The following PDE8B variants were observed in gnomAD, a reference collection of about 807,000 sequenced individuals.
PDE8B encodes the protein phosphodiesterase 8B.
PDE8B carries 26 observed loss-of-function variants against 101.3 expected under a neutral mutation model. That is an observed-to-expected ratio of 0.26 (90% CI 0.19 to 0.36). The LOEUF (loss-of-function observed/expected upper bound fraction) is 0.36, where lower values mean the gene tolerates loss of function less well. Ranked by LOEUF, PDE8B falls within the 10% of genes least tolerant of loss-of-function variation. PDE8B has a pLI of 1.00. For missense variants in PDE8B, 810 were observed against 1,163.1 expected (o/e 0.70, Z 4.42); for synonymous variants, 424 against 429.3 (o/e 0.99, Z 0.15).
intron 10 of PDE8B, among the ~76,000 whole-genome samples, chr5:77,367,881 G>C (rs1221001760): frequency 6.6e-6 from 1 of 152,128 alleles, no homozygotes; most frequent in Admixed American, 6.5e-5. Flanking sequence ...CACAGACCTG[G>C]GTGAGTCATC....
intron 1 of PDE8B, among the ~76,000 whole-genome samples, chr5:77,235,558 C>T (rs9293711): frequency 4.5e-4 from 69 of 152,164 alleles, no homozygotes; most frequent in Non-Finnish European, 6.0e-4. Flanking sequence ...GACCTTGAAT[C>T]AGGGAATACA....
the PDE8B span, among the ~76,000 whole-genome samples, chr5:77,096,138 C>T: frequency 2.6e-5 from 4 of 152,094 alleles, no homozygotes; most frequent in East Asian, 1.9e-4. Context: ...TACAGGCGCA[C>T]GCTACCACAC....
the PDE8B span, among the ~76,000 whole-genome samples, chr5:77,177,197 A>G: frequency 2.0e-5 from 3 of 151,972 alleles, no homozygotes; most frequent in Non-Finnish European, 2.9e-5. Flanking sequence ...GAAGTGGAGG[A>G]AAAAAAACCA....
intron 10 of PDE8B, among the ~76,000 whole-genome samples, chr5:77,398,010 T>G (rs572646954): frequency 6.6e-6 from 1 of 152,272 alleles, no homozygotes; most frequent in Non-Finnish European, 1.5e-5. Context: ...CCCTTGGGTT[T>G]CATGAGGAAA....
Position 77,300,989 on chromosome 5 carries a change from TA to T in PDE8B, c.340-11002del, listed in dbSNP as rs568358721. Among the ~76,000 whole-genome samples the T allele has an allele frequency of 4.0e-3, 614 of 152,348 alleles. 2 individuals carry two copies. The highest frequency in any genetic ancestry group is 6.9e-3 in the Non-Finnish European group (469 of 68,036). ...GATTCATTTCAGTGAGATTGGTTTT[TA>T]AATGGGAATTAGTGCCCGACAAGGA... On this transcript the variant is annotated intron_variant, in intron 1 of 21. Transcript: ENST00000264917.
At chr5:77,326,107 G>A (rs1776008467) in intron 3 of PDE8B, among the ~76,000 whole-genome samples, 1 of 152,120 alleles carries the variant, frequency 6.6e-6, no homozygotes, top group African/African-American at 2.4e-5. Context: ...AATGAACATC[G>A]GAAATGTGTG....
intron 10 of PDE8B, among the ~76,000 whole-genome samples, chr5:77,354,535 T>G (rs777852969): frequency 6.6e-6 from 1 of 152,176 alleles, no homozygotes; most frequent in Non-Finnish European, 1.5e-5. Context: ...GAGTTCTTCA[T>G]AAGAGCTGAC....
At chr5:77,095,356 C>G in the PDE8B span, among the ~76,000 whole-genome samples, 2 of 152,162 alleles carry the variant, frequency 1.3e-5, no homozygotes, top group Non-Finnish European at 2.9e-5. Flanking sequence ...CTCTTGTTAG[C>G]CATTGTTCCG....
intron 10 of PDE8B, among the ~76,000 whole-genome samples, chr5:77,367,445 T>C (rs1028558907): frequency 1.3e-5 from 2 of 152,138 alleles, no homozygotes; most frequent in Non-Finnish European, 2.9e-5. Flanking sequence ...AAGCATACTT[T>C]CCAGCTAGTC....
chr5:77,420,940 A>G (rs1796516509), intron 19 of PDE8B, among the ~76,000 whole-genome samples: 1 of 152,238 alleles, frequency 6.6e-6, no homozygotes, highest in African/African-American at 2.4e-5. Flanking sequence ...TCCAGTCTTA[A>G]ACCCCCCAAA....
the PDE8B span, among the ~76,000 whole-genome samples, chr5:77,199,274 G>A: frequency 6.6e-6 from 1 of 152,092 alleles, no homozygotes; most frequent in Admixed American, 6.6e-5. Context: ...AGTATGTAAG[G>A]GATTTGAGTT....
At chr5:77,178,344 T>C in the PDE8B span, among the ~76,000 whole-genome samples, 2 of 152,238 alleles carry the variant, frequency 1.3e-5, no homozygotes, top group African/African-American at 4.8e-5. Flanking sequence ...TCCTTTAATC[T>C]GTTGGGTTGT....
intron 1 of PDE8B, among the ~76,000 whole-genome samples, chr5:77,289,365 G>C (rs1286102993): frequency 1.3e-5 from 2 of 152,134 alleles, no homozygotes; most frequent in African/African-American, 4.8e-5. Flanking sequence ...TATATTTATA[G>C]GTTCTTACCT....
At chr5:77,338,220 T>C (rs1778548673) in intron 6 of PDE8B, among the ~76,000 whole-genome samples, 1 of 152,232 alleles carries the variant, frequency 6.6e-6, no homozygotes, top group African/African-American at 2.4e-5. Context: ...AGTAATTATA[T>C]GCCTTATCTT....
At chr5:77,410,946 T>G (rs1300374809) in intron 14 of PDE8B, 1 of 152,348 alleles carries the variant, frequency 6.6e-6, no homozygotes, top group African/African-American at 2.4e-5. Context: ...TCTAAATGAC[T>G]TTTAAGCAAA....
At chr5:77,199,642 C>T in the PDE8B span, among the ~76,000 whole-genome samples, 1 of 152,000 alleles carries the variant, frequency 6.6e-6, no homozygotes, top group East Asian at 1.9e-4. Flanking sequence ...ATATTTATAA[C>T]CTGTAAAAGT....
At chr5:77,387,871 A>G (rs908727928) in intron 10 of PDE8B, among the ~76,000 whole-genome samples, 2 of 151,704 alleles carry the variant, frequency 1.3e-5, no homozygotes, top group South Asian at 4.2e-4. Flanking sequence ...CAATTCGGCT[A>G]TTGATACTTG....
intron 14 of PDE8B, among the ~76,000 whole-genome samples, chr5:77,409,381 G>C (rs1482976132): frequency 6.6e-6 from 1 of 152,108 alleles, no homozygotes; most frequent in African/African-American, 2.4e-5. Context: ...GATTATTCCT[G>C]CTTTCCCTTG....
chr5:77,312,086 A>G, intron 2 of PDE8B, 33 bp downstream of exon 2: 3 of 1,278,110 alleles, frequency 2.3e-6, no homozygotes, highest in Non-Finnish European at 3.4e-6. Context: ...TGTGACTCAG[A>G]TTATTTTCTT....
Sources: allele counts gnomAD v4.1 joint callset (sites outside exome capture counted in the v4.1 genomes callset), GRCh38; gene constraint gnomAD v4.1.1; transcripts MANE v1.5; gene names NCBI Gene and HGNC (gene_info 2026-07-23, HGNC 2026-07-21).